Variants in BICRA observed in about 807,000 individuals in gnomAD.
The protein encoded by BICRA is BRD4-interacting chromatin-remodeling complex-associated protein.
BICRA carries 31 observed loss-of-function variants against 96.9 expected under a neutral mutation model. That is an observed-to-expected ratio of 0.32 (90% CI 0.24 to 0.43). The LOEUF (loss-of-function observed/expected upper bound fraction) is 0.43. Ranked by LOEUF, BICRA falls within the 20% of genes least tolerant of loss-of-function variation. The pLI is 1.00. For synonymous variants in BICRA, 1,350 were observed against 1,071.8 expected, an observed-to-expected ratio of 1.26 and a Z score of -5.07; for missense variants, 2,283 against 2,190.3, an observed-to-expected ratio of 1.04 and a Z score of -0.84.
Position 47,680,128 on chromosome 19 carries a change from C to A in BICRA, c.958C>A (p.Pro320Thr), listed in dbSNP as rs915088967. The stretch of plus-strand genomic sequence containing the variant: ...GGCCGCCTCGGCTCCCACCGGGACG[C>A]CCTCGGGACAGCCGCTGGCGGTGGC... Reference protein sequence around the residue: ...AGAASAPTGTPSGQPLAVAPG... With the variant: ...AGAASAPTGTTSGQPLAVAPG... The change falls in exon 6 of 15, where the codon CCC becomes ACC. Residue 320 changes from proline to threonine, a missense_variant. Physicochemically the swap from Pro to Thr is conservative, Grantham distance 38 (BLOSUM62 -1). Transcript: ENST00000594866. The A allele has an allele frequency of 1.3e-6, 2 of 1,527,032 alleles. No individual in the cohort carries two copies. Among genetic ancestry groups the A allele is most frequent in the Non-Finnish European group, 1.7e-6 (2 of 1,148,232 alleles). The allele number at this position is 1,527,032 out of a possible 1,614,324, so 94.6% of individuals were successfully genotyped here.
rs551145948 is a variant in BICRA at position 47,642,662 on chromosome 19, A to C, written c.-107-27781A>C. Among the ~76,000 whole-genome samples the C allele has an allele frequency of 4.6e-5, 7 of 152,314 alleles. No individual in the cohort carries two copies. The South Asian group carries it at 1.5e-3, about 32-fold the overall frequency. ...GGTTGCAGTGAGCCAAGATCATGCT[A>C]CTGCACTCCAGCCTGGGTGACAAAG... On this transcript the variant is annotated intron_variant, in intron 1 of 14. Transcript: ENST00000594866.
chr19:47,653,721 TG>T (rs1972573859), intron 1 of BICRA, among the ~76,000 whole-genome samples: 3 of 152,350 alleles, frequency 2.0e-5, no homozygotes, highest in African/African-American at 7.2e-5. Flanking sequence ...TAATAGTCTG[TG>T]ATATGGATAC....
intron 1 of BICRA, among the ~76,000 whole-genome samples, chr19:47,659,076 G>A (rs758757850): frequency 4.6e-5 from 7 of 152,194 alleles, no homozygotes; most frequent in Non-Finnish European, 1.0e-4. Context: ...TGGCAAGACT[G>A]CAGCTTTATA....
chr19:47,643,457 G>A (rs1244546728), intron 1 of BICRA, among the ~76,000 whole-genome samples: 1 of 152,182 alleles, frequency 6.6e-6, no homozygotes, highest in Non-Finnish European at 1.5e-5. Flanking sequence ...TCTGTCACCT[G>A]GGACACTGGC....
At chr19:47,696,668 T>A (rs1291969594) in intron 11 of BICRA, among the ~76,000 whole-genome samples, 156 bp downstream of exon 11, 1 of 152,228 alleles carries the variant, frequency 6.6e-6, no homozygotes, top group Non-Finnish European at 1.5e-5. Context: ...GACCCTCAGT[T>A]TCCCCCTCTG....
At position 47,675,727 on chromosome 19, in the gene BICRA, C is replaced by T; in HGVS notation, c.85-124C>T. ...TTTCGGAGGCGAGAGTTTCCCATAC[C>T]CCCAGCCCTCTCCCATCCCAACCCT... On this transcript the variant is annotated intron_variant, in intron 4 of 14. Coordinates refer to ENST00000594866, the MANE Select transcript of BICRA (RefSeq NM_001394372.1). This position sits in a 1 kb window ranked among gnomAD's most constrained non-coding sequence, Gnocchi z 4.7. 1 of 767,272 alleles carries T rather than the reference C, an allele frequency of 1.3e-6. No homozygotes were observed. 47.5% of individuals were successfully genotyped at this position (767,272 alleles called of 1,614,324 possible).
In BICRA at chr19:47,694,637, C is replaced by T; in HGVS notation, c.2806C>T (p.Pro936Ser). Residue 936 changes from proline to serine, a missense_variant, in exon 8 of 15, where the codon CCC becomes TCC. Transcript: ENST00000594866. ...LHLVPEPAAP[P>S]PPPPRTFQMV... ...CCTGGTCCCTGAGCCGGCAGCACCC[C>T]CCCCACCGCCTCCTCGGACCTTCCA... The T allele has an allele frequency of 1.3e-6, 2 of 1,572,792 alleles. No individual in the cohort carries two copies. The highest frequency in any genetic ancestry group is 4.5e-5 in the East Asian group (2 of 44,476).
intron 1 of BICRA, among the ~76,000 whole-genome samples, chr19:47,637,341 A>G (rs1972314830): frequency 6.6e-6 from 1 of 151,852 alleles, no homozygotes; most frequent in South Asian, 2.1e-4. Flanking sequence ...GGATGGTCTC[A>G]GTCTCTTGAC....
At chr19:47,649,385 T>C (rs1972510072) in intron 1 of BICRA, among the ~76,000 whole-genome samples, 1 of 152,156 alleles carries the variant, frequency 6.6e-6, no homozygotes, top group Non-Finnish European at 1.5e-5. Context: ...TAAAAGTTGA[T>C]CTCATAATAT....
rs890964073 is a variant in BICRA, at chr19:47,702,704, C to T, written c.*289C>T. 11 of 461,436 alleles carry T rather than the reference C, an allele frequency of 2.4e-5. No homozygotes were observed. Among genetic ancestry groups the T allele is most frequent in the African/African-American group, 6.3e-5 (3 of 47,958 alleles). 28.6% of individuals were successfully genotyped at this position (461,436 alleles called of 1,614,324 possible). A position where few individuals can be genotyped will look rare whatever the true frequency, so the allele number is the denominator to read the frequency against. On this transcript the variant is annotated 3_prime_UTR_variant, in exon 15 of 15. Coordinates refer to ENST00000594866, the MANE Select transcript of BICRA (RefSeq NM_001394372.1). ...CTTCCCATTTCCTGGCACACTCTGC[C>T]CCTCTGTCCGGGGGACACGCGCATG...
At chr19:47,660,311 C>G (rs939686138) in intron 1 of BICRA, among the ~76,000 whole-genome samples, 5 of 152,162 alleles carry the variant, frequency 3.3e-5, no homozygotes, top group African/African-American at 4.8e-5. Context: ...GTGACTTCTC[C>G]TTTGCTGTTA....
At chr19:47,636,768 A>G (rs1972306036) in intron 1 of BICRA, among the ~76,000 whole-genome samples, 2 of 152,048 alleles carry the variant, frequency 1.3e-5, no homozygotes, top group Admixed American at 1.3e-4. Flanking sequence ...TTGGCCTCCC[A>G]AAGTGCTGGG....
In BICRA at chr19:47,680,263, C is replaced by A; in HGVS notation, c.1093C>A (p.Gln365Lys). Reference protein sequence around the residue: ...PAGVLPPKLYQLTPKPFAPAG... With the variant: ...PAGVLPPKLYKLTPKPFAPAG... ...GGGGGTGCTGCCGCCCAAGCTCTAC[C>A]AGCTGACGCCCAAGCCGTTTGCGCC... Residue 365 changes from glutamine to lysine, a missense_variant, in exon 6 of 15, where the codon CAG (glutamine) becomes AAG (lysine). Coordinates refer to ENST00000594866, the MANE Select transcript of BICRA (RefSeq NM_001394372.1). The A allele has an allele frequency of 6.4e-7, 1 of 1,561,282 alleles. No individual in the cohort carries two copies. The highest frequency in any genetic ancestry group is 8.6e-7 in the Non-Finnish European group (1 of 1,162,692).
chr19:47,685,943 ATTTGT>A (rs1300749033), intron 7 of BICRA, among the ~76,000 whole-genome samples: 1 of 148,848 alleles, frequency 6.7e-6, no homozygotes, highest in Non-Finnish European at 1.5e-5. Context: ...CGGGATAAGA[ATTTGT>A]TTTTTTTTTT....
chr19:47,684,316 G>A (rs571954443), intron 7 of BICRA, among the ~76,000 whole-genome samples: 1 of 152,154 alleles, frequency 6.6e-6, no homozygotes, highest in East Asian at 1.9e-4. Flanking sequence ...TGGGTAGCTG[G>A]GATTACAGGT....
At chr19:47,694,025 G>T (rs1973282348) in intron 7 of BICRA, 90 bp from the exon 8 acceptor site, 1 of 1,416,208 alleles carries the variant, frequency 7.1e-7, no homozygotes, top group African/African-American at 1.5e-5. Flanking sequence ...TTCTGGCGGG[G>T]ATGGCTGGGG....
intron 1 of BICRA, among the ~76,000 whole-genome samples, chr19:47,653,547 C>CATCT (rs1327428029): frequency 1.3e-5 from 2 of 152,174 alleles, no homozygotes; most frequent in African/African-American, 2.4e-5. Context: ...AGCAACCACG[C>CATCT]ATCTACTTTC....
Position 47,679,942 on chromosome 19 carries a change from C to T in BICRA, c.772C>T (p.Pro258Ser). 1.3e-6 allele frequency: 2 copies of T among 1,508,488 alleles called. No homozygotes were observed. The highest frequency in any genetic ancestry group is 8.8e-7 in the Non-Finnish European group (1 of 1,135,394). The allele number at this position is 1,508,488 out of a possible 1,614,324, so 93.4% of individuals were successfully genotyped here. The part of the protein sequence containing the change: ...PTSQLLAKQV[P>S]VSGYLASAAG... ...CTCCCAGCTCCTGGCCAAGCAGGTG[C>T]CCGTCAGCGGCTACCTGGCCTCGGC... Residue 258 changes from proline to serine, a missense_variant, in exon 6 of 15, where the codon CCC (proline) becomes TCC (serine). Transcript: ENST00000594866.
intron 5 of BICRA, among the ~76,000 whole-genome samples, chr19:47,677,552 C>T (rs555847890): frequency 5.3e-5 from 8 of 152,074 alleles, no homozygotes; most frequent in East Asian, 1.9e-4. Context: ...CAAAATTAGC[C>T]GGGCATGGTG....
Sources: gnomAD v4.1 joint callset for allele counts (sites outside exome capture counted in the v4.1 genomes callset) on GRCh38, gnomAD v4.1.1 for gene constraint, Gnocchi (gnomAD v3.1) non-coding constraint, MANE v1.5 for transcripts, NCBI Gene and HGNC (gene_info 2026-07-23, HGNC 2026-07-21) for gene names.